Variants in PDLIM5 observed in about 807,000 individuals in gnomAD.
The protein encoded by PDLIM5 is PDZ and LIM domain protein 5.
In PDLIM5, 34 loss-of-function variants were observed where a neutral mutation model predicts 64.2. That is an observed-to-expected ratio of 0.53 (90% confidence interval 0.40 to 0.71). PDLIM5 has a LOEUF of 0.71. Among genes scored for constraint, PDLIM5 ranks in the 30% least tolerant of loss-of-function variants. The pLI, the probability that PDLIM5 is intolerant of heterozygous loss-of-function variation, is 0.00. For synonymous variants in PDLIM5, 253 were observed against 269.1 expected (o/e 0.94, Z 0.59); for missense variants, 683 against 733.6 (o/e 0.93, Z 0.80).
intron 8 of PDLIM5, among the ~76,000 whole-genome samples, chr4:94,636,691 G>A (rs143316937): frequency 1.4e-3 from 210 of 151,972 alleles, no homozygotes; most frequent in Middle Eastern, 6.8e-3. Context: ...GGCCCACCAC[G>A]CGCAGCTAAT....
intron 5 of PDLIM5, among the ~76,000 whole-genome samples, chr4:94,576,627 G>A (rs891576572): frequency 2.0e-5 from 3 of 152,204 alleles, no homozygotes; most frequent in East Asian, 1.9e-4. Context: ...AACAAGGCAC[G>A]CTTAGAAAGC....
intron 7 of PDLIM5, among the ~76,000 whole-genome samples, chr4:94,588,574 A>C (rs948798428): frequency 1.3e-5 from 2 of 149,046 alleles, no homozygotes; most frequent in African/African-American, 5.0e-5. Context: ...TAAATAAATA[A>C]ATAAATAAAT....
chr4:94,651,711 C>T (rs1423171850), intron 9 of PDLIM5, among the ~76,000 whole-genome samples: 2 of 152,154 alleles, frequency 1.3e-5, no homozygotes, highest in Non-Finnish European at 2.9e-5. Flanking sequence ...AAAAATAAGA[C>T]TACTGCTGAG....
intron 2 of PDLIM5, among the ~76,000 whole-genome samples, chr4:94,496,802 A>G (rs764785911): frequency 3.5e-4 from 54 of 152,194 alleles, no homozygotes; most frequent in Non-Finnish European, 6.5e-4. Flanking sequence ...CCAGATGCAC[A>G]TTTGACCTAA....
At chr4:94,566,767 GA>G (rs1056240719) in intron 3 of PDLIM5, among the ~76,000 whole-genome samples, 25 of 152,088 alleles carry the variant, frequency 1.6e-4, no homozygotes, top group African/African-American at 5.8e-4. Context: ...TTGAAAGGAA[GA>G]AAAAAATAAA....
intron 2 of PDLIM5, among the ~76,000 whole-genome samples, chr4:94,478,053 C>A (rs966488020): frequency 3.3e-5 from 5 of 151,896 alleles, no homozygotes; most frequent in Admixed American, 2.6e-4. Flanking sequence ...GTCAGGAGTT[C>A]GAGACCAGCC....
chr4:94,513,618 G>T (rs1188162113), intron 2 of PDLIM5, among the ~76,000 whole-genome samples: 1 of 152,182 alleles, frequency 6.6e-6, no homozygotes, highest in Non-Finnish European at 1.5e-5. Flanking sequence ...TTGTGTGCGT[G>T]TGTGTATTCT....
intron 2 of PDLIM5, among the ~76,000 whole-genome samples, chr4:94,500,624 T>G (rs1727827336): frequency 6.6e-6 from 1 of 152,164 alleles, no homozygotes; most frequent in Non-Finnish European, 1.5e-5. Context: ...AATAGTATTT[T>G]TTAGTTCTTT....
chr4:94,505,493 C>T (rs1728310919), intron 2 of PDLIM5, among the ~76,000 whole-genome samples: 1 of 152,054 alleles, frequency 6.6e-6, no homozygotes, highest in Admixed American at 6.6e-5. Context: ...AACTTCTAGC[C>T]TCAAGTGATC....
intron 2 of PDLIM5, among the ~76,000 whole-genome samples, chr4:94,478,898 T>TTTTG (rs1354424558): frequency 7.2e-6 from 1 of 138,756 alleles, no homozygotes; most frequent in Non-Finnish European, 1.5e-5. Flanking sequence ...GTGTTTTTTT[T>TTTTG]TTTTTTTTTT....
chr4:94,534,936 C>T (rs1022537151), intron 3 of PDLIM5, among the ~76,000 whole-genome samples: 11 of 151,904 alleles, frequency 7.2e-5, no homozygotes, highest in African/African-American at 2.4e-4. Flanking sequence ...ATGACAAATC[C>T]CCAAGCAAAT....
At chr4:94,530,528 T>C (rs906650895) in intron 3 of PDLIM5, among the ~76,000 whole-genome samples, 1 of 91,482 alleles carries the variant, frequency 1.1e-5, no homozygotes, top group Non-Finnish European at 2.5e-5. Context: ...TATATATATA[T>C]ATATATATAT....
intron 9 of PDLIM5, among the ~76,000 whole-genome samples, chr4:94,648,201 A>G (rs976887899): frequency 4.6e-5 from 7 of 152,200 alleles, no homozygotes; most frequent in African/African-American, 1.4e-4. Flanking sequence ...AAAAAAATCA[A>G]TGAAACCACA....
chr4:94,459,596 A>G (rs567154954), intron 2 of PDLIM5, among the ~76,000 whole-genome samples: 3 of 152,370 alleles, frequency 2.0e-5, no homozygotes. Flanking sequence ...TGAAGAAGAT[A>G]CAAAGTGGGG....
At chr4:94,514,661 G>T (rs147568354) in intron 2 of PDLIM5, among the ~76,000 whole-genome samples, 23 of 152,172 alleles carry the variant, frequency 1.5e-4, no homozygotes, top group Admixed American at 5.2e-4. Context: ...GAAGCCATTG[G>T]GTCCAAGGCT....
At chr4:94,529,443 C>T (rs1445237485) in intron 3 of PDLIM5, among the ~76,000 whole-genome samples, 1 of 152,014 alleles carries the variant, frequency 6.6e-6, no homozygotes, top group East Asian at 1.9e-4. Flanking sequence ...GAATATTATT[C>T]TTATATATCC....
rs1553940971 is a variant in PDLIM5, at chr4:94,494,432, G to GGTTTTTTTTTTTTTTTTTTTTTTTTTTT, written c.97-29292_97-29291insGTTTTTTTTTTTTTTTTTTTTTTTTTTT. Among the ~76,000 whole-genome samples, 6 of 70,770 alleles carry GGTTTTTTTTTTTTTTTTTTTTTTTTTTT rather than the reference G, an allele frequency of 8.5e-5. 1 individual carries two copies. The highest frequency in any genetic ancestry group is 4.9e-4 in the East Asian group (1 of 2,044). The allele number at this position is 70,770 out of a possible 152,430, so 46.4% of individuals were successfully genotyped here. On this transcript the variant is annotated intron_variant, in intron 2 of 12. Coordinates refer to ENST00000317968, the MANE Select transcript of PDLIM5 (RefSeq NM_006457.5). Reference sequence around the variant, plus strand: ...AGCATTCACTAATTTTTTTTTTCTTGTTTTTTTTTTTTTTTTTTTTTTTTG... The same window carrying GGTTTTTTTTTTTTTTTTTTTTTTTTTTT: ...AGCATTCACTAATTTTTTTTTTCTTGGTTTTTTTTTTTTTTTTTTTTTTTTTTTTTTTTTTTTTTTTTTTTTTTTTTTG...
chr4:94,532,916 T>A (rs1388918652), intron 3 of PDLIM5, among the ~76,000 whole-genome samples: 3 of 152,042 alleles, frequency 2.0e-5, no homozygotes, highest in Non-Finnish European at 4.4e-5. Context: ...GACAGGAGAA[T>A]TACTTGAGCC....
chr4:94,481,657 G>T (rs995230730), intron 2 of PDLIM5, among the ~76,000 whole-genome samples: 8 of 151,656 alleles, frequency 5.3e-5, no homozygotes, highest in Non-Finnish European at 7.4e-5. Context: ...CACCCAGGCT[G>T]GAGTGCAGTG....
Sources: allele counts gnomAD v4.1 joint callset (sites outside exome capture counted in the v4.1 genomes callset), GRCh38; gene constraint gnomAD v4.1.1; transcripts MANE v1.5; gene names NCBI Gene and HGNC (gene_info 2026-07-23, HGNC 2026-07-21).